Variants in TLE2 observed in about 807,000 individuals in gnomAD.
TLE2 encodes transducin-like enhancer protein 2.
TLE2 carries 74 observed loss-of-function variants against 97.2 expected under a neutral mutation model. The ratio of observed to expected loss-of-function variants is 0.76; its 90% CI spans 0.63 to 0.92. The LOEUF (loss-of-function observed/expected upper bound fraction) is 0.92. TLE2 is among the 40% of genes least tolerant of loss of function. The pLI is 0.00. For missense variants in TLE2, 1,038 were observed against 1,008.7 expected (o/e 1.03, Z -0.39); for synonymous variants, 499 against 432.1 (o/e 1.15, Z -1.92).
In TLE2 at chr19:3,005,760, T is replaced by G; in HGVS notation, c.1709A>C (p.Asn570Thr). 6.2e-7 allele frequency: 1 copy of G among 1,613,904 alleles called. No individual in the cohort carries two copies. Among genetic ancestry groups the G allele is most frequent in the Non-Finnish European group, 8.5e-7 (1 of 1,179,842 alleles). The change falls in exon 16 of 20, where the codon AAC (asparagine) becomes ACC (threonine). Residue 570 changes from asparagine to threonine, a missense_variant. Coordinates refer to ENST00000262953, the MANE Select transcript of TLE2 (RefSeq NM_003260.5). ...KVCFSCCSDG[N>T]IVVWDLQNQT... ...ATTCTGCAGGTCCCAGACCACAATG[T>G]TGCCATCGCTGCAGCAGGAGAAGCA...
At chr19:3,033,399 C>A (rs958005375), upstream of TLE2, among the ~76,000 whole-genome samples, 1 of 152,034 alleles carries the variant, frequency 6.6e-6, no homozygotes, top group Admixed American at 6.6e-5. Flanking sequence ...AATCTCCTGA[C>A]CTCGTGATCC....
Position 3,015,700 on chromosome 19 carries a change from C to A in TLE2, c.631G>T (p.Gly211Cys), listed in dbSNP as rs1278642535. 2 of 1,611,662 alleles carry A rather than the reference C, an allele frequency of 1.2e-6. No individual in the cohort carries two copies. The highest frequency in any genetic ancestry group is 3.3e-5 in the Admixed American group (2 of 59,776). ...TCATCTGCTCTCTGCTTCCCGCCACCACCAGGGCCACTCGGTCGCTCCTCC... is the reference window on the plus strand; with the variant it reads ...TCATCTGCTCTCTGCTTCCCGCCACAACCAGGGCCACTCGGTCGCTCCTCC... ...VEEERPSGPG[G>C]GGKQRADEKE... is the part of the protein sequence containing the mutation. The change falls in exon 9 of 20, where the codon GGT (glycine) becomes TGT (cysteine). Residue 211 changes from glycine (G) to cysteine (C), a missense_variant. Physicochemically the swap from Gly to Cys is radical, Grantham distance 159. Coordinates refer to ENST00000262953, the MANE Select transcript of TLE2 (RefSeq NM_003260.5).
In TLE2 at chr19:3,021,122, G is replaced by C. The variant is rs564686643; in HGVS notation, c.295-1349C>G. 2.2e-3 allele frequency among the ~76,000 whole-genome samples: 277 copies of C among 127,672 alleles called. 17 individuals carry two copies. Among genetic ancestry groups the C allele is most frequent in the African/African-American group, 7.9e-3 (255 of 32,340 alleles). 83.8% of individuals were successfully genotyped at this position (127,672 alleles called of 152,430 possible). A position where few individuals can be genotyped will look rare whatever the true frequency, so the allele number is the denominator to read the frequency against. ...AAAAAAAAAAAAAAAAAAGGGGGGG[G>C]GGTGCTGAGCGTGGTGACTCACACC... On this transcript the variant is annotated intron_variant, in intron 5 of 19. Transcript: ENST00000262953.
chr19:3,029,076 C>G lies in TLE2; in HGVS notation c.-172G>C. 1 of 1,289,740 alleles carries G rather than the reference C, an allele frequency of 7.8e-7. No homozygotes were observed. Among genetic ancestry groups the G allele is most frequent in the African/African-American group, 1.5e-5 (1 of 64,962 alleles). 79.9% of individuals were successfully genotyped at this position (1,289,740 alleles called of 1,614,324 possible). The stretch of plus-strand genomic sequence containing the variant: ...AGTCCCTGGCGCGCCCCCAAGCGCG[C>G]GCGCCCGGGGTCGTGGGAGCCCCTC... On this transcript the variant is annotated 5_prime_UTR_variant, in exon 1 of 20. Coordinates refer to ENST00000262953, the MANE Select transcript of TLE2 (RefSeq NM_003260.5).
chr19:3,040,003 G>C (rs796649241), intron 1 of TLE2, among the ~76,000 whole-genome samples: 5 of 152,320 alleles, frequency 3.3e-5, no homozygotes, highest in African/African-American at 1.2e-4. Context: ...CGTTATTATT[G>C]TGTGGGAGTG....
chr19:3,030,846 G>C (rs572727456), upstream of TLE2, among the ~76,000 whole-genome samples: 1 of 151,856 alleles, frequency 6.6e-6, no homozygotes, highest in East Asian at 1.9e-4. Flanking sequence ...CGGCTACTTG[G>C]GGGGCTGAGG....
chr19:3,029,558 CGGG>C, upstream of TLE2: 24 of 225,018 alleles, frequency 1.1e-4, no homozygotes, highest in South Asian at 1.8e-4. Context: ...ACCGTGGGAG[CGGG>C]GGGGGGGGCT....
Position 3,019,368 on chromosome 19 carries a change from A to C in TLE2, c.465T>G (p.Ala155=). The change falls in exon 7 of 20, where the codon GCT becomes GCG. Residue 155 remains alanine, a synonymous_variant. Coordinates refer to ENST00000262953, the MANE Select transcript of TLE2 (RefSeq NM_003260.5). This position sits in a 1 kb window ranked among gnomAD's most constrained non-coding sequence, Gnocchi z 5.1. ...CCTGGGCAGCCAGGGCTCCAGACAG[A>C]GCAAGCAGCCCCGTAGCACTGCCGC... ...LVGGSATGLL[A]LSGALAAQAQ... is the part of the protein sequence containing the mutation. 7.1e-6 allele frequency: 11 copies of C among 1,557,980 alleles called. No homozygotes were observed. The highest frequency in any genetic ancestry group is 9.5e-6 in the Non-Finnish European group (11 of 1,159,164).
At chr19:3,029,563 G>C (rs1433431588), upstream of TLE2, 26 of 521,338 alleles carry the variant, frequency 5.0e-5, 2 homozygotes, top group South Asian at 3.8e-4. Flanking sequence ...GGGAGCGGGG[G>C]GGGGGGCTTG....
intron 18 of TLE2, among the ~76,000 whole-genome samples, chr19:3,001,466 G>A (rs2089357273): frequency 6.6e-6 from 1 of 151,820 alleles, no homozygotes; most frequent in Admixed American, 6.6e-5. Context: ...GTACTATTTA[G>A]GATATACTTA....
intron 3 of TLE2, 39 bp downstream of exon 3, chr19:3,028,280 C>T (rs1423339779): frequency 1.3e-6 from 2 of 1,583,688 alleles, no homozygotes; most frequent in South Asian, 2.3e-5. Flanking sequence ...AAAGCCCTGC[C>T]CGCCTCTCCC....
upstream of TLE2, among the ~76,000 whole-genome samples, chr19:3,032,378 C>T (rs1212226356): frequency 1.3e-5 from 2 of 152,252 alleles, no homozygotes; most frequent in Admixed American, 6.5e-5. The surrounding 1 kb of genome is among the most constrained non-coding windows in gnomAD (Gnocchi z 4.1). Flanking sequence ...GCTGGGATTA[C>T]AGGTGCCCAC....
At chr19:3,000,784 GGGGGA>G in intron 18 of TLE2, 61 bp from the exon 19 acceptor site, 1 of 1,330,590 alleles carries the variant, frequency 7.5e-7, no homozygotes, top group Non-Finnish European at 1.1e-6. Flanking sequence ...CCGGGCTGCA[GGGGGA>G]GGTCGGGGAA....
At chr19:3,008,848 G>T in intron 14 of TLE2, 21 bp downstream of exon 14, 1 of 1,531,932 alleles carries the variant, frequency 6.5e-7, no homozygotes. Context: ...CCCAGGCAGG[G>T]AGCCCCACCC....
chr19:3,027,079 A>G (rs1031400204), intron 4 of TLE2, among the ~76,000 whole-genome samples: 4 of 152,050 alleles, frequency 2.6e-5, no homozygotes, highest in African/African-American at 9.7e-5. Context: ...CGTGAGGTCT[A>G]TCTCAGAACA....
intron 18 of TLE2, among the ~76,000 whole-genome samples, chr19:3,001,419 T>TTTTG (rs143213071): frequency 0.043 from 6,584 of 151,708 alleles, 194 homozygotes; most frequent in African/African-American, 0.09. Flanking sequence ...CCAGCCCAAG[T>TTTTG]TTTGTTTGTT....
chr19:3,022,582 A>ATAGT (rs1491473299), intron 5 of TLE2, among the ~76,000 whole-genome samples: 3 of 152,126 alleles, frequency 2.0e-5, no homozygotes, highest in Admixed American at 1.3e-4. Flanking sequence ...AATATTATTA[A>ATAGT]TAGTTAACCT....
intron 17 of TLE2, among the ~76,000 whole-genome samples, chr19:3,002,891 G>A (rs1042084724): frequency 2.0e-5 from 3 of 152,034 alleles, no homozygotes; most frequent in African/African-American, 7.2e-5. Context: ...TAAAGACGGC[G>A]TTTCACCGTA....
At chr19:3,024,335 G>A (rs2089903478) in intron 5 of TLE2, among the ~76,000 whole-genome samples, 1 of 151,926 alleles carries the variant, frequency 6.6e-6, no homozygotes, top group Non-Finnish European at 1.5e-5. Flanking sequence ...CCATTTGTAA[G>A]TGCACAGCTC....
Sources: allele counts gnomAD v4.1 joint callset (sites outside exome capture counted in the v4.1 genomes callset), GRCh38; gene constraint gnomAD v4.1.1; non-coding constraint Gnocchi (gnomAD v3.1); transcripts MANE v1.5; gene names NCBI Gene and HGNC (gene_info 2026-07-23, HGNC 2026-07-21).